The following TRAF6 variants were observed in gnomAD, a reference collection of about 807,000 sequenced individuals.
TRAF6 encodes TNF receptor-associated factor 6.
TRAF6 carries 10 observed loss-of-function variants against 48.4 expected under a neutral mutation model. The observed-to-expected ratio is 0.21, with a 90% CI of 0.13 to 0.35. The LOEUF is 0.35. Ranked by LOEUF, TRAF6 falls within the 10% of genes least tolerant of loss-of-function variation. The probability of loss-of-function intolerance (pLI) is 1.00; values close to 1 mark genes in which losing one functional copy is unlikely to be tolerated. For synonymous variants in TRAF6, 186 were observed against 219.6 expected, an observed-to-expected ratio of 0.85 and a Z score of 1.35; for missense variants, 397 against 661.0, an observed-to-expected ratio of 0.60 and a Z score of 4.38.
At position 36,500,638 on chromosome 11, in the gene TRAF6, G is replaced by T. The variant is rs185799695; in HGVS notation, c.296+582C>A. Among the ~76,000 whole-genome samples the T allele has an allele frequency of 1.1e-4, 16 of 152,320 alleles. No homozygotes were observed. In the East Asian group the frequency reaches 2.5e-3, roughly 24 times the overall value. The stretch of plus-strand genomic sequence containing the variant: ...CCTGGAAGACAAGAATAGAAAGCAG[G>T]AGGCCTGTTAGAGAGCTGGTGGTGA... On this transcript the variant is annotated intron_variant, in intron 2 of 6. Coordinates refer to ENST00000526995, the MANE Select transcript of TRAF6 (RefSeq NM_004620.4).
intron 4 of TRAF6, among the ~76,000 whole-genome samples, chr11:36,495,504 G>C (rs903287794): frequency 1.3e-5 from 2 of 152,166 alleles, no homozygotes; most frequent in African/African-American, 4.8e-5. Context: ...CCCCAGAAGG[G>C]TAAGCCTTAT....
chr11:36,496,887 A>G (rs1298756536), intron 4 of TRAF6, among the ~76,000 whole-genome samples: 1 of 152,132 alleles, frequency 6.6e-6, no homozygotes, highest in East Asian at 1.9e-4. Context: ...GATAACTAGT[A>G]TAAATGTTTT....
At chr11:36,503,849 ACAGGCATACT>A (rs1859751066) in intron 1 of TRAF6, among the ~76,000 whole-genome samples, 1 of 152,204 alleles carries the variant, frequency 6.6e-6, no homozygotes, top group Non-Finnish European at 1.5e-5. Context: ...ATTCCCATAT[ACAGGCATACT>A]CAGACATTTT....
intron 2 of TRAF6, among the ~76,000 whole-genome samples, chr11:36,500,513 T>C (rs1859701830): frequency 1.3e-5 from 2 of 152,200 alleles, no homozygotes; most frequent in African/African-American, 4.8e-5. Flanking sequence ...ATAAGGATTT[T>C]AGCTTTTACT....
rs114263678 is a variant in TRAF6 at position 36,485,970 on chromosome 11, C to G, written c.*3868G>C. On this transcript the variant is annotated 3_prime_UTR_variant, in exon 7 of 7. Transcript: ENST00000526995. ...AAATATAAATGACTACTTATGGCTC[C>G]TTTTCATTTCCTTAAGGCATTGCAC... Among the ~76,000 whole-genome samples the G allele has an allele frequency of 0.024, 3,664 of 152,212 alleles. 173 individuals are homozygous for G. The highest frequency in any genetic ancestry group is 0.081 in the African/African-American group (3,373 of 41,466).
At chr11:36,502,648 T>C (rs1341858459) in intron 1 of TRAF6, among the ~76,000 whole-genome samples, 3 of 152,146 alleles carry the variant, frequency 2.0e-5, no homozygotes, top group Non-Finnish European at 2.9e-5. Context: ...ACCTTTTTAT[T>C]CTTTTCAAAG....
chr11:36,488,902 C>T lies in TRAF6; in HGVS notation c.*936G>A, dbSNP rs773386192. ...TGAAAACTTCTGGCTCACATAGCTT[C>T]TGTCACCACCAATGAGATGCCACAT... On this transcript the variant is annotated 3_prime_UTR_variant, in exon 7 of 7. Transcript: ENST00000526995. 2 of 152,236 alleles carry T rather than the reference C, an allele frequency of 1.3e-5. No homozygotes were observed. Among genetic ancestry groups the T allele is most frequent in the African/African-American group, 4.8e-5 (2 of 41,468 alleles). The allele number at this position is 152,236 out of a possible 1,614,324, so 9.4% of individuals were successfully genotyped here.
At position 36,501,434 on chromosome 11, in the gene TRAF6, T is replaced by A; in HGVS notation, c.82A>T (p.Ser28Cys). 6.2e-7 allele frequency: 1 copy of A among 1,614,090 alleles called. No individual in the cohort carries two copies. Among genetic ancestry groups the A allele is most frequent in the Non-Finnish European group, 8.5e-7 (1 of 1,179,994 alleles). Residue 28 changes from serine (S) to cysteine (C), a missense_variant, in exon 2 of 7, where the codon AGC becomes TGC. Physicochemically the swap from Ser to Cys is moderately radical, Grantham distance 112 (BLOSUM62 -1). Transcript: ENST00000526995. ...ACACTATCATCTTTTGTTACAGCGC[T>A]ACAGGAGCTGGCCATGGCCACACAG... Reference protein sequence around the residue: ...DCCVAMASSCSAVTKDDSVGG... With the variant: ...DCCVAMASSCCAVTKDDSVGG...
At chr11:36,494,207 A>C (rs942301022) in intron 5 of TRAF6, among the ~76,000 whole-genome samples, 2 of 152,068 alleles carry the variant, frequency 1.3e-5, no homozygotes, top group Non-Finnish European at 2.9e-5. Context: ...TCTACAAAAA[A>C]TCTAAAAAAA....
chr11:36,501,832 A>G (rs1859720643), intron 1 of TRAF6: 2 of 192,748 alleles, frequency 1.0e-5, no homozygotes, highest in Non-Finnish European at 2.1e-5. Flanking sequence ...GACAGCATAT[A>G]AAGTTAAAAA....
chr11:36,494,937 C>A, intron 5 of TRAF6, 39 bp downstream of exon 5: 1 of 1,378,914 alleles, frequency 7.3e-7, no homozygotes, highest in Non-Finnish European at 1.0e-6. Context: ...CTTCTTTAAG[C>A]TGTTTATGAA....
chr11:36,506,652 A>T (rs1467125033), intron 1 of TRAF6, among the ~76,000 whole-genome samples: 1 of 152,208 alleles, frequency 6.6e-6, no homozygotes, highest in Non-Finnish European at 1.5e-5. Context: ...GAGACCTTTT[A>T]TAGCTAATGT....
chr11:36,507,691 G>A lies in TRAF6; in HGVS notation c.-23+2357C>T, dbSNP rs545156292. On this transcript the variant is annotated intron_variant, in intron 1 of 6. Transcript: ENST00000526995. ...CGCGTGTATATATGTATACATACAC[G>A]AGCGTGTATATATGTATACATACAC... is the stretch of plus-strand genomic sequence containing the variant. Among the ~76,000 whole-genome samples the A allele has an allele frequency of 8.4e-4, 49 of 58,478 alleles. 8 individuals carry two copies. Among genetic ancestry groups the A allele is most frequent in the African/African-American group, 3.1e-3 (48 of 15,500 alleles). The allele number at this position is 58,478 out of a possible 152,430, so 38.4% of individuals were successfully genotyped here.
At chr11:36,502,917 T>A (rs5030442) in intron 1 of TRAF6, among the ~76,000 whole-genome samples, 1 of 152,198 alleles carries the variant, frequency 6.6e-6, no homozygotes, top group South Asian at 2.1e-4. Flanking sequence ...CTTAGAACAG[T>A]GCCAGGCAGT....
At chr11:36,492,236 C>T (rs5030472) in intron 6 of TRAF6, among the ~76,000 whole-genome samples, 14,111 of 152,262 alleles carry the variant, frequency 0.093, 715 homozygotes, top group South Asian at 0.13. Flanking sequence ...ACTAGCACAA[C>T]ACAAACTACT....
In TRAF6 at chr11:36,489,946, G is replaced by A. The variant is rs377031011; in HGVS notation, c.1461C>T (p.Phe487=). 1 of 1,614,048 alleles carries A rather than the reference G, an allele frequency of 6.2e-7. No individual in the cohort carries two copies. The highest frequency in any genetic ancestry group is 1.3e-5 in the African/African-American group (1 of 74,916). Residue 487 remains phenylalanine (F), a synonymous_variant, in exon 7 of 7, where the codon TTC becomes TTT. Transcript: ENST00000526995. ...MHLEALRQRT[F]IKDDTLLVRC... ...GCACTAATAATGTGTCATCCTTAATGAAAGTTCTTTGTCTTAGGGCTTCCA... is the reference window on the plus strand; with the variant it reads ...GCACTAATAATGTGTCATCCTTAATAAAAGTTCTTTGTCTTAGGGCTTCCA...
rs575354240 is a variant in TRAF6 at position 36,491,507 on chromosome 11, C to T, written c.757-857G>A. On this transcript the variant is annotated intron_variant, in intron 6 of 6. Coordinates refer to ENST00000526995, the MANE Select transcript of TRAF6 (RefSeq NM_004620.4). ...TAAATTATTAAATGTATGTTTGTTA[C>T]ACATAAGTCAGGGAAAAAAAAGTAT... Among the ~76,000 whole-genome samples the T allele has an allele frequency of 1.8e-4, 28 of 152,102 alleles. 1 individual carries two copies. In the South Asian group the frequency reaches 5.8e-3, roughly 32 times the overall value.
chr11:36,484,688 G>C lies in TRAF6; in HGVS notation c.*5150C>G, dbSNP rs1409146249. Reference sequence around the variant, plus strand: ...AAAATGTGTCTTAGCTCCTAATTTAGTGACCTATATGCTAAATTACACCTT... The same window carrying C: ...AAAATGTGTCTTAGCTCCTAATTTACTGACCTATATGCTAAATTACACCTT... On this transcript the variant is annotated 3_prime_UTR_variant, in exon 7 of 7. Transcript: ENST00000526995. Among the ~76,000 whole-genome samples the C allele has an allele frequency of 2.0e-5, 3 of 152,156 alleles. No homozygotes were observed. Among genetic ancestry groups the C allele is most frequent in the Admixed American group, 1.3e-4 (2 of 15,284 alleles).
chr11:36,497,099 AG>A lies in TRAF6; in HGVS notation c.606+8del. ...GTAGTGAATTTAACAAATCCAAGTT[AG>A]TACATGCCTCTTTATCTTCAAATGC... On this transcript the variant is annotated splice_region_variant and intron_variant, in intron 4 of 6. Transcript: ENST00000526995. The A allele has an allele frequency of 1.2e-6, 2 of 1,611,026 alleles. No homozygotes were observed. The highest frequency in any genetic ancestry group is 2.2e-5 in the South Asian group (2 of 90,198).
Sources: gnomAD v4.1 joint callset for allele counts (sites outside exome capture counted in the v4.1 genomes callset) on GRCh38, gnomAD v4.1.1 for gene constraint, MANE v1.5 for transcripts, NCBI Gene and HGNC (gene_info 2026-07-23, HGNC 2026-07-21) for gene names.